Variants in NR3C1 observed in about 807,000 individuals in gnomAD.
The protein encoded by NR3C1 is nuclear receptor subfamily 3 group C member 1.
Under a neutral mutation model 74.0 loss-of-function variants are expected in NR3C1, and 14 were observed. The observed-to-expected ratio is 0.19, with a 90% CI of 0.12 to 0.30. NR3C1 has a LOEUF of 0.30. Ranked by LOEUF, NR3C1 falls within the 10% of genes least tolerant of loss-of-function variation. NR3C1 has a pLI of 1.00. For synonymous variants in NR3C1, 308 were observed against 332.5 expected (o/e 0.93, Z 0.80); for missense variants, 695 against 909.8 (o/e 0.76, Z 3.04).
At chr5:143,333,328 T>C (rs1826398869) in intron 2 of NR3C1, 2 of 680,188 alleles carry the variant, frequency 2.9e-6, no homozygotes, top group South Asian at 3.4e-5. Context: ...TTGCATTTAC[T>C]AGTATTTAAG....
At chr5:143,330,706 T>C (rs1343440133) in intron 2 of NR3C1, among the ~76,000 whole-genome samples, 1 of 152,224 alleles carries the variant, frequency 6.6e-6, no homozygotes, top group Non-Finnish European at 1.5e-5. Context: ...AGAAGTGGAA[T>C]CTCTGAAAAT....
rs746758861 is a variant in NR3C1, at chr5:143,279,321, A to ATTGAG, written c.*2563_*2567dup. On this transcript the variant is annotated 3_prime_UTR_variant, in exon 9 of 9. Coordinates refer to ENST00000394464, the MANE Select transcript of NR3C1 (RefSeq NM_000176.3). ...AAGTGCACATAATCTTCTTTTTCTC[A>ATTGAG]TTGAGTTCTATTTTTTGAGCGCCAA... is the stretch of plus-strand genomic sequence containing the variant. 1 of 1,537,096 alleles carries ATTGAG rather than the reference A, an allele frequency of 6.5e-7. No homozygotes were observed. The highest frequency in any genetic ancestry group is 1.3e-5 in the South Asian group (1 of 79,548).
At chr5:143,376,553 G>C (rs978561268) in intron 2 of NR3C1, among the ~76,000 whole-genome samples, 1 of 152,180 alleles carries the variant, frequency 6.6e-6, no homozygotes, top group Non-Finnish European at 1.5e-5. Context: ...TTTGGCTATT[G>C]TGGGATTCTC....
intron 1 of NR3C1, among the ~76,000 whole-genome samples, chr5:143,427,725 C>T (rs957286846): frequency 6.6e-6 from 1 of 152,226 alleles, no homozygotes; most frequent in African/African-American, 2.4e-5. Flanking sequence ...GAACATGTCT[C>T]CTATGAGACA....
chr5:143,395,549 G>A (rs1212718836), intron 2 of NR3C1, among the ~76,000 whole-genome samples: 1 of 151,764 alleles, frequency 6.6e-6, no homozygotes, highest in Non-Finnish European at 1.5e-5. Context: ...AATATTACCA[G>A]GATGTCCTCA....
chr5:143,288,357 G>C (rs1279285182), intron 7 of NR3C1, among the ~76,000 whole-genome samples: 1 of 152,056 alleles, frequency 6.6e-6, no homozygotes, highest in East Asian at 1.9e-4. Flanking sequence ...CTGACTTGAT[G>C]ATCTGCCCAC....
intron 2 of NR3C1, among the ~76,000 whole-genome samples, chr5:143,361,074 A>T (rs1467523208): frequency 6.6e-6 from 1 of 152,236 alleles, no homozygotes. Flanking sequence ...ACAACTAGAG[A>T]GTCTACTGGG....
chr5:143,348,607 T>C (rs1829709749), intron 2 of NR3C1, among the ~76,000 whole-genome samples: 1 of 152,180 alleles, frequency 6.6e-6, no homozygotes. Flanking sequence ...TGCTTTTTGT[T>C]GGGAATTTTG....
At chr5:143,343,018 AT>A (rs1360819303) in intron 2 of NR3C1, among the ~76,000 whole-genome samples, 4 of 152,234 alleles carry the variant, frequency 2.6e-5, no homozygotes, top group Admixed American at 2.6e-4. Context: ...TGACAAAAAA[AT>A]ATACTAAATA....
intron 2 of NR3C1, among the ~76,000 whole-genome samples, chr5:143,355,286 T>C (rs2151799504): frequency 6.6e-6 from 1 of 152,290 alleles, no homozygotes; most frequent in Admixed American, 6.5e-5. Flanking sequence ...AAAATTCAGA[T>C]ACCCAACCCC....
intron 2 of NR3C1, among the ~76,000 whole-genome samples, chr5:143,393,720 G>A (rs1838703236): frequency 6.6e-6 from 1 of 152,068 alleles, no homozygotes. Context: ...ATAAGTCACA[G>A]CACTGCCCCA....
chr5:143,410,295 T>G (rs1214867415), intron 1 of NR3C1, among the ~76,000 whole-genome samples: 1 of 152,198 alleles, frequency 6.6e-6, no homozygotes, highest in African/African-American at 2.4e-5. Flanking sequence ...TCCATTTTGG[T>G]TCTTATATCT....
At chr5:143,309,429 A>T (rs904896931) in intron 4 of NR3C1, among the ~76,000 whole-genome samples, 1 of 152,190 alleles carries the variant, frequency 6.6e-6, no homozygotes, top group African/African-American at 2.4e-5. Flanking sequence ...GCAGTTTTTC[A>T]AACACTCATT....
At chr5:143,397,690 T>C (rs1839478418) in intron 2 of NR3C1, among the ~76,000 whole-genome samples, 2 of 151,946 alleles carry the variant, frequency 1.3e-5, no homozygotes, top group South Asian at 4.1e-4. Context: ...CATTTGATAT[T>C]AAAGAACTTC....
chr5:143,423,527 A>G (rs1751346809), intron 1 of NR3C1, among the ~76,000 whole-genome samples: 1 of 152,136 alleles, frequency 6.6e-6, no homozygotes, highest in African/African-American at 2.4e-5. Flanking sequence ...TACAGCCACT[A>G]TGGAGAACAG....
At chr5:143,372,432 G>C (rs557141948) in intron 2 of NR3C1, among the ~76,000 whole-genome samples, 4 of 152,330 alleles carry the variant, frequency 2.6e-5, no homozygotes, top group Admixed American at 6.5e-5. Context: ...GCATGGAGAT[G>C]CTGAACAAAG....
intron 2 of NR3C1, among the ~76,000 whole-genome samples, chr5:143,355,260 T>C (rs1830929948): frequency 6.6e-6 from 1 of 152,148 alleles, no homozygotes; most frequent in African/African-American, 2.4e-5. Context: ...ACCAGAAACA[T>C]TTGGAGGGCT....
intron 2 of NR3C1, among the ~76,000 whole-genome samples, chr5:143,328,159 G>A (rs749578218): frequency 1.3e-5 from 2 of 152,216 alleles, no homozygotes; most frequent in Non-Finnish European, 2.9e-5. Context: ...CCAACACCAC[G>A]TGAAAGCTGC....
intron 2 of NR3C1, chr5:143,332,984 T>C (rs1826318510): frequency 6.3e-7 from 1 of 1,588,702 alleles, no homozygotes; most frequent in Non-Finnish European, 8.5e-7. Context: ...AGGTCAAGAA[T>C]AAGACCATCC....
Sources: allele counts gnomAD v4.1 joint callset (sites outside exome capture counted in the v4.1 genomes callset), GRCh38; gene constraint gnomAD v4.1.1; transcripts MANE v1.5; gene names NCBI Gene and HGNC (gene_info 2026-07-23, HGNC 2026-07-21).